PPFIBP2: variants seen among roughly 807,000 people sequenced by gnomAD.
The protein encoded by PPFIBP2 is PPFIB scaffold protein 2.
A neutral mutation model predicts 118.3 loss-of-function variants in PPFIBP2; 118 were observed. The ratio of observed to expected loss-of-function variants is 1.00; its 90% CI spans 0.86 to 1.16. PPFIBP2 has a LOEUF of 1.16. Among genes scored for constraint, PPFIBP2 ranks in the 50% most tolerant of loss-of-function variants. The pLI is 0.00. For synonymous variants in PPFIBP2, 414 were observed against 397.4 expected (o/e 1.04, Z -0.50); for missense variants, 1,195 against 1,073.1 (o/e 1.11, Z -1.59).
downstream of PPFIBP2, chr11:7,655,640 C>A: frequency 3.1e-6 from 2 of 648,030 alleles, no homozygotes; most frequent in Non-Finnish European, 4.7e-6. Context: ...TGAGCCTGAG[C>A]CAGCCACGAG....
intron 1 of PPFIBP2, among the ~76,000 whole-genome samples, chr11:7,533,260 C>G (rs1015806546): frequency 2.6e-5 from 4 of 152,126 alleles, no homozygotes; most frequent in African/African-American, 9.7e-5. Flanking sequence ...GAGAAGGGAC[C>G]CCAGGTGTGG....
At position 7,653,439 on chromosome 11, in the gene PPFIBP2, T is replaced by C; in HGVS notation, c.*221T>C. 1 of 1,505,118 alleles carries C rather than the reference T, an allele frequency of 6.6e-7. No homozygotes were observed. The highest frequency in any genetic ancestry group is 2.5e-5 in the East Asian group (1 of 39,862). The allele number at this position is 1,505,118 out of a possible 1,614,324, so 93.2% of individuals were successfully genotyped here. ...TTGGGGACCATTGCCAAAGGTGGAC[T>C]CAGGAGGAAAGACACTTAAAGACAC... On this transcript the variant is annotated 3_prime_UTR_variant, in exon 24 of 24. Transcript: ENST00000299492.
At chr11:7,651,938 T>C (rs1300893066) in intron 23 of PPFIBP2, 94 bp downstream of exon 23, 4 of 1,215,592 alleles carry the variant, frequency 3.3e-6, no homozygotes, top group African/African-American at 1.5e-5. Context: ...CAGAGCAGCA[T>C]GCGCAGCCTG....
rs185387374 is a variant in PPFIBP2, at chr11:7,639,795, C to A, written c.1300C>A (p.Pro434Thr). Residue 434 changes from proline (P) to threonine (T), a missense_variant, in exon 15 of 24, where the codon CCC becomes ACC. Physicochemically the swap from Pro to Thr is conservative, Grantham distance 38. Transcript: ENST00000299492. ...ACCTGGGAAGCTTTCAGGAGCCACG[C>A]CCAATGGAGAGGCTGCCAAATCTCC... is the stretch of plus-strand genomic sequence containing the variant. ...TLPGKLSGAT[P>T]NGEAAKSPPT... 5.6e-6 allele frequency: 9 copies of A among 1,614,044 alleles called. No homozygotes were observed. The highest frequency in any genetic ancestry group is 7.6e-6 in the Non-Finnish European group (9 of 1,180,032).
chr11:7,617,922 G>C (rs1054052143), intron 6 of PPFIBP2, among the ~76,000 whole-genome samples: 14 of 152,126 alleles, frequency 9.2e-5, no homozygotes, highest in Admixed American at 3.3e-4. Context: ...CCACACGGGG[G>C]TAACCTGGTC....
intron 5 of PPFIBP2, among the ~76,000 whole-genome samples, chr11:7,602,347 C>CTAT (rs1300322999): frequency 2.6e-5 from 4 of 152,160 alleles, no homozygotes; most frequent in African/African-American, 9.7e-5. Flanking sequence ...CTGCCTCAAA[C>CTAT]TATGCTGGCA....
intron 2 of PPFIBP2, among the ~76,000 whole-genome samples, chr11:7,560,625 C>T (rs72849099): frequency 0.023 from 3,500 of 152,198 alleles, 45 homozygotes; most frequent in Middle Eastern, 0.041. Context: ...TCTTTGACTA[C>T]GTGTCTGGTT....
chr11:7,515,612 C>A (rs1849163054), intron 1 of PPFIBP2, among the ~76,000 whole-genome samples: 1 of 152,172 alleles, frequency 6.6e-6, no homozygotes, highest in South Asian at 2.1e-4. Flanking sequence ...TGTGGGCAGG[C>A]AGGCATGGAC....
chr11:7,657,569 AAGCTCCGTGTTTCCAC>A (rs1854780926), downstream of PPFIBP2, among the ~76,000 whole-genome samples: 1 of 152,142 alleles, frequency 6.6e-6, no homozygotes, highest in Non-Finnish European at 1.5e-5. Context: ...TGAGCACCTC[AAGCTCCGTGTTTCCAC>A]CCCAACTCAC....
At chr11:7,623,039 GT>G (rs749976502) in intron 7 of PPFIBP2, among the ~76,000 whole-genome samples, 1 of 152,148 alleles carries the variant, frequency 6.6e-6, no homozygotes, top group South Asian at 2.1e-4. Flanking sequence ...TGAGGTATAT[GT>G]TTTTTTATTC....
Position 7,565,635 on chromosome 11 carries a change from G to A in PPFIBP2, c.147G>A (p.Pro49=), listed in dbSNP as rs191793209. 1.9e-5 allele frequency: 30 copies of A among 1,614,126 alleles called. No individual in the cohort carries two copies. Among genetic ancestry groups the A allele is most frequent in the Middle Eastern group, 1.6e-4 (1 of 6,062 alleles). ...ASPASYMNPF[P]VLHLIEDLRL... ...CGGCCTCCTACATGAACCCCTTCCCGGTGCTCCATCTCATCGAGGACTTGA... is the reference window on the plus strand; with the variant it reads ...CGGCCTCCTACATGAACCCCTTCCCAGTGCTCCATCTCATCGAGGACTTGA... The change falls in exon 3 of 24, where the codon CCG becomes CCA. Residue 49 remains proline, a synonymous_variant. Transcript: ENST00000299492.
At chr11:7,523,049 G>A (rs981363584) in intron 1 of PPFIBP2, among the ~76,000 whole-genome samples, 1 of 152,170 alleles carries the variant, frequency 6.6e-6, no homozygotes, top group Non-Finnish European at 1.5e-5. Context: ...AACCAGCCAT[G>A]AGGACCTCAT....
chr11:7,648,945 C>G lies in PPFIBP2; in HGVS notation c.1909+34C>G, dbSNP rs752712431. On this transcript the variant is annotated intron_variant, in intron 19 of 23. Transcript: ENST00000299492. ...AGGCATATATGTATTAAGAATGTCTCTGGCAGCAACTAAGAGTAGAAAGAA... is the reference window on the plus strand; with the variant it reads ...AGGCATATATGTATTAAGAATGTCTGTGGCAGCAACTAAGAGTAGAAAGAA... 50 of 1,558,756 alleles carry G rather than the reference C, an allele frequency of 3.2e-5. No individual in the cohort carries two copies. The South Asian group carries it at 5.4e-4, about 17-fold the overall frequency.
chr11:7,650,642 C>CA, intron 21 of PPFIBP2, 198 bp from the exon 22 acceptor site: 1 of 422,872 alleles, frequency 2.4e-6, no homozygotes, highest in Non-Finnish European at 4.2e-6. Flanking sequence ...GGAAGATCTT[C>CA]AAAGATTCAG....
rs1410414683 is a variant in PPFIBP2 at position 7,616,579 on chromosome 11, A to G, written c.619-4356A>G. ...TGCTTGAGATAATCTTGTAGACAGG[A>G]TGGAGGAATAGAAGATGAATATACT... On this transcript the variant is annotated intron_variant, in intron 6 of 23. Coordinates refer to ENST00000299492, the MANE Select transcript of PPFIBP2 (RefSeq NM_003621.5). The surrounding 1 kb of genome is among the most constrained non-coding windows in gnomAD (Gnocchi z 5.2). 6.6e-6 allele frequency among the ~76,000 whole-genome samples: 1 copy of G among 152,188 alleles called. No individual in the cohort carries two copies. The highest frequency in any genetic ancestry group is 1.5e-5 in the Non-Finnish European group (1 of 68,020).
In PPFIBP2 at chr11:7,565,793, G is replaced by A. The variant is rs745464212; in HGVS notation, c.279+26G>A. 16 of 1,609,752 alleles carry A rather than the reference G, an allele frequency of 9.9e-6. No homozygotes were observed. The South Asian group carries it at 1.7e-4, about 17-fold the overall frequency. ...GTGAGTAGTCCCGTGGCCTGATTGGGAACCACTGGGGAATGTAATGGTGCA... is the reference window on the plus strand; with the variant it reads ...GTGAGTAGTCCCGTGGCCTGATTGGAAACCACTGGGGAATGTAATGGTGCA... On this transcript the variant is annotated intron_variant, in intron 3 of 23. Transcript: ENST00000299492.
chr11:7,665,229 C>G, the PPFIBP2 span: 1 of 685,220 alleles, frequency 1.5e-6, no homozygotes, highest in Non-Finnish European at 2.3e-6. Context: ...TTTGTTAGGC[C>G]CACACCCAAA....
At chr11:7,610,809 G>T (rs1847975374) in intron 6 of PPFIBP2, among the ~76,000 whole-genome samples, 1 of 152,214 alleles carries the variant, frequency 6.6e-6, no homozygotes, top group South Asian at 2.1e-4. Context: ...CAAGGAGTCT[G>T]GAAACGTTTC....
chr11:7,629,265 G>A (rs376166901), intron 9 of PPFIBP2, among the ~76,000 whole-genome samples, 194 bp from the exon 10 acceptor site: 18 of 152,146 alleles, frequency 1.2e-4, no homozygotes, highest in Non-Finnish European at 2.1e-4. Flanking sequence ...CAGGTAGAGC[G>A]TGAATGCCTG....
Sources: allele counts gnomAD v4.1 joint callset (sites outside exome capture counted in the v4.1 genomes callset), GRCh38; gene constraint gnomAD v4.1.1; non-coding constraint Gnocchi (gnomAD v3.1); transcripts MANE v1.5; gene names NCBI Gene and HGNC (gene_info 2026-07-23, HGNC 2026-07-21).